TNNI3K: variants seen among roughly 807,000 people sequenced by gnomAD.
The protein encoded by TNNI3K is TNNI3 interacting kinase, also known as serine/threonine-protein kinase TNNI3K.
Under a neutral mutation model 114.5 loss-of-function variants are expected in TNNI3K, and 140 were observed. That is an observed-to-expected ratio of 1.22 (90% CI 1.07 to 1.41). The LOEUF is 1.41. Among genes scored for constraint, TNNI3K ranks in the 40% most tolerant of loss-of-function variants. TNNI3K has a pLI of 0.00. For synonymous variants in TNNI3K, 347 were observed against 347.5 expected, an observed-to-expected ratio of 1.00 and a Z score of 0.02; for missense variants, 1,125 against 1,007.6, an observed-to-expected ratio of 1.12 and a Z score of -1.58.
chr1:74,333,708 A>G (rs1027481858), intron 6 of TNNI3K, among the ~76,000 whole-genome samples: 1 of 152,208 alleles, frequency 6.6e-6, no homozygotes, highest in African/African-American at 2.4e-5. Flanking sequence ...AAATGTACCT[A>G]ATGTGCCATG....
chr1:74,349,490 T>C (rs1036296119), intron 9 of TNNI3K, among the ~76,000 whole-genome samples: 3 of 152,208 alleles, frequency 2.0e-5, no homozygotes, highest in Non-Finnish European at 4.4e-5. Flanking sequence ...CCTCATAAAA[T>C]GAGTTAGGGA....
chr1:74,239,101 A>G (rs539756560), intron 2 of TNNI3K, among the ~76,000 whole-genome samples: 1 of 152,124 alleles, frequency 6.6e-6, no homozygotes, highest in East Asian at 1.9e-4. Flanking sequence ...GATGAGGAAT[A>G]TGGGAACAGA....
At chr1:74,484,444 A>G (rs1163771639) in intron 21 of TNNI3K, among the ~76,000 whole-genome samples, 2 of 152,220 alleles carry the variant, frequency 1.3e-5, no homozygotes, top group East Asian at 3.8e-4. Flanking sequence ...AAAAGGATAT[A>G]AACAATAAAC....
chr1:74,331,889 G>T (rs912202322), intron 6 of TNNI3K, among the ~76,000 whole-genome samples: 118 of 152,190 alleles, frequency 7.8e-4, no homozygotes, highest in African/African-American at 2.7e-3. Context: ...CCTATAAAAT[G>T]GGGAAAGATA....
intron 5 of TNNI3K, among the ~76,000 whole-genome samples, chr1:74,302,353 A>G (rs1212395103): frequency 1.2e-4 from 18 of 152,204 alleles, no homozygotes; most frequent in Admixed American, 1.2e-3. Flanking sequence ...ATGTTAATTA[A>G]TAACTCTACA....
chr1:74,375,908 T>A, intron 17 of TNNI3K: 1 of 232,040 alleles, frequency 4.3e-6, no homozygotes, highest in South Asian at 5.7e-5. Flanking sequence ...CACTGAAGGG[T>A]CACAACGATA....
In TNNI3K at chr1:74,463,548, G is replaced by A; in HGVS notation, c.2119G>A (p.Glu707Lys). 6.2e-7 allele frequency: 1 copy of A among 1,614,142 alleles called. No individual in the cohort carries two copies. The highest frequency in any genetic ancestry group is 8.5e-7 in the Non-Finnish European group (1 of 1,179,990). The change falls in exon 21 of 25, where the codon GAA becomes AAA. Residue 707 changes from glutamate (E) to lysine (K), a missense_variant and splice_region_variant. Glu to Lys is a moderately conservative substitution (Grantham distance 56, BLOSUM62 1). Transcript: ENST00000326637. ...LLIRGWNACP[E>K]GRPEFSEVVM... is the part of the protein sequence containing the mutation. ...GATACGAGGGTGGAACGCATGTCCTGAAGTGAGTAATTTTTATTTCCTCTT... is the reference window on the plus strand; with the variant it reads ...GATACGAGGGTGGAACGCATGTCCTAAAGTGAGTAATTTTTATTTCCTCTT...
intron 21 of TNNI3K, among the ~76,000 whole-genome samples, chr1:74,475,116 C>CACACA (rs1668125578): frequency 5.1e-5 from 7 of 135,994 alleles, no homozygotes; most frequent in East Asian, 2.3e-4. Context: ...CCACCTCAGC[C>CACACA]CACACACACA....
intron 17 of TNNI3K, among the ~76,000 whole-genome samples, chr1:74,432,064 G>T (rs560458146): frequency 6.6e-6 from 1 of 151,636 alleles, no homozygotes; most frequent in South Asian, 2.1e-4. Flanking sequence ...GCAAGTCTGT[G>T]TATGTGTGTG....
intron 5 of TNNI3K, among the ~76,000 whole-genome samples, chr1:74,276,107 A>C (rs952554229): frequency 6.6e-6 from 1 of 152,116 alleles, no homozygotes; most frequent in African/African-American, 2.4e-5. Context: ...GCTTGGGTAA[A>C]GGATTCAATT....
intron 7 of TNNI3K, among the ~76,000 whole-genome samples, chr1:74,340,144 A>G (rs1660678740): frequency 6.6e-6 from 1 of 152,062 alleles, no homozygotes; most frequent in African/African-American, 2.4e-5. Flanking sequence ...AATCTGGAAA[A>G]TTTTATTTTA....
At chr1:74,235,623 T>C (rs1276214567) in intron 1 of TNNI3K, 132 bp downstream of exon 1, 1 of 499,322 alleles carries the variant, frequency 2.0e-6, no homozygotes, top group Non-Finnish European at 3.6e-6. Flanking sequence ...GTGAAAGTCT[T>C]TGAAAAACTA....
intron 5 of TNNI3K, among the ~76,000 whole-genome samples, chr1:74,286,196 A>T (rs1397083523): frequency 6.6e-6 from 1 of 152,184 alleles, no homozygotes; most frequent in Non-Finnish European, 1.5e-5. Context: ...GAATAAAGTG[A>T]GTCCCTAACT....
chr1:74,506,699 A>T (rs760794718), intron 23 of TNNI3K, among the ~76,000 whole-genome samples: 22 of 152,334 alleles, frequency 1.4e-4, no homozygotes, highest in Middle Eastern at 6.8e-3. Flanking sequence ...AGATTTTAAC[A>T]GGCGACTTGC....
chr1:74,501,310 G>A (rs1669612800), intron 23 of TNNI3K, among the ~76,000 whole-genome samples: 1 of 151,962 alleles, frequency 6.6e-6, no homozygotes, highest in Non-Finnish European at 1.5e-5. Flanking sequence ...TTATATTCCA[G>A]TTCTAGAAGT....
At chr1:74,329,827 C>T (rs1204491464) in intron 5 of TNNI3K, among the ~76,000 whole-genome samples, 1 of 151,920 alleles carries the variant, frequency 6.6e-6, no homozygotes, top group African/African-American at 2.4e-5. Context: ...ACAGTCCCTC[C>T]CTAGTTCTGT....
At chr1:74,330,804 C>T (rs1660162478) in intron 5 of TNNI3K, among the ~76,000 whole-genome samples, 1 of 152,030 alleles carries the variant, frequency 6.6e-6, no homozygotes, top group Non-Finnish European at 1.5e-5. Context: ...TTTGTTCATT[C>T]ATTTCTTCAA....
intron 23 of TNNI3K, among the ~76,000 whole-genome samples, chr1:74,536,386 G>C (rs1006281775): frequency 6.6e-6 from 1 of 152,108 alleles, no homozygotes; most frequent in African/African-American, 2.4e-5. Flanking sequence ...CTAATTGGCA[G>C]ATGTTCACTA....
At chr1:74,451,728 TTTC>T (rs1667027877) in intron 20 of TNNI3K, among the ~76,000 whole-genome samples, 6 of 73,528 alleles carry the variant, frequency 8.2e-5, no homozygotes, top group African/African-American at 3.2e-4. Context: ...TCTTTCTTTC[TTTC>T]TTTCTTTCTT....
Sources: allele counts gnomAD v4.1 joint callset (sites outside exome capture counted in the v4.1 genomes callset), GRCh38; gene constraint gnomAD v4.1.1; transcripts MANE v1.5; gene names NCBI Gene and HGNC (gene_info 2026-07-23, HGNC 2026-07-21).